The following ADGRE1 variants were observed in gnomAD, a reference collection of about 807,000 sequenced individuals.
ADGRE1 encodes the protein EGF-like module receptor 1.
In ADGRE1, 82 loss-of-function variants were observed where a neutral mutation model predicts 102.7. The ratio of observed to expected loss-of-function variants is 0.80; its 90% CI spans 0.67 to 0.96. The LOEUF (loss-of-function observed/expected upper bound fraction) is 0.96, where lower values mean the gene tolerates loss of function less well. Among genes scored for constraint, ADGRE1 ranks in the 40% least tolerant of loss-of-function variants. ADGRE1 has a pLI of 0.00. For synonymous variants in ADGRE1, 398 were observed against 399.6 expected (o/e 1.00, Z 0.05); for missense variants, 1,032 against 1,085.3 (o/e 0.95, Z 0.69).
intron 1 of ADGRE1, 139 bp downstream of exon 1, chr19:6,887,778 C>A: frequency 2.2e-6 from 2 of 904,788 alleles, no homozygotes; most frequent in South Asian, 1.8e-5. Flanking sequence ...ATTCAGGGAA[C>A]CTTTGACAAA....
At chr19:6,921,640 G>T in intron 13 of ADGRE1, 73 bp from the exon 14 acceptor site, 1 of 1,441,166 alleles carries the variant, frequency 6.9e-7, no homozygotes, top group Non-Finnish European at 9.2e-7. Flanking sequence ...GACTCTTGAG[G>T]ATGGTCACAT....
chr19:6,900,931 A>G (rs1739427384), intron 5 of ADGRE1, among the ~76,000 whole-genome samples: 1 of 152,232 alleles, frequency 6.6e-6, no homozygotes, highest in Non-Finnish European at 1.5e-5. Context: ...TATTCTAGCC[A>G]GATCTTTTGG....
intron 17 of ADGRE1, among the ~76,000 whole-genome samples, chr19:6,932,195 G>A (rs773553174): frequency 7.9e-5 from 12 of 152,246 alleles, no homozygotes; most frequent in East Asian, 1.9e-4. Flanking sequence ...TGGGCCGGGC[G>A]TGGTGGTTTA....
At chr19:6,889,893 T>A (rs964348418) in intron 1 of ADGRE1, among the ~76,000 whole-genome samples, 2 of 151,994 alleles carry the variant, frequency 1.3e-5, no homozygotes, top group African/African-American at 4.8e-5. Context: ...CTTTTGAGAA[T>A]GCATGCTTTA....
At chr19:6,920,611 C>T (rs1324713512) in intron 13 of ADGRE1, among the ~76,000 whole-genome samples, 1 of 147,934 alleles carries the variant, frequency 6.8e-6, no homozygotes, top group Non-Finnish European at 1.5e-5. Flanking sequence ...GCAACCCTCA[C>T]CTCCTCGGGT....
In ADGRE1 at chr19:6,937,668, C is replaced by G; in HGVS notation, c.2655+20C>G. ...AAGACGGTGAGAGACTGCATGCTCCCTGCAGGTGCTGGTCGAGGGAGGTGC... is the reference window on the plus strand; with the variant it reads ...AAGACGGTGAGAGACTGCATGCTCCGTGCAGGTGCTGGTCGAGGGAGGTGC... On this transcript the variant is annotated intron_variant, in intron 20 of 20. Coordinates refer to ENST00000312053, the MANE Select transcript of ADGRE1 (RefSeq NM_001974.5). The G allele has an allele frequency of 6.2e-7, 1 of 1,611,478 alleles. No homozygotes were observed. Among genetic ancestry groups the G allele is most frequent in the Non-Finnish European group, 8.5e-7 (1 of 1,177,900 alleles).
chr19:6,904,282 C>T (rs1282658962), intron 8 of ADGRE1, 100 bp downstream of exon 8: 2 of 1,416,220 alleles, frequency 1.4e-6, no homozygotes, highest in Non-Finnish European at 1.9e-6. Context: ...CTTAGTGTTG[C>T]CTCATCCACA....
At chr19:6,892,797 C>G (rs1973428511) in intron 2 of ADGRE1, among the ~76,000 whole-genome samples, 1 of 152,186 alleles carries the variant, frequency 6.6e-6, no homozygotes, top group Non-Finnish European at 1.5e-5. Context: ...GAATGACATT[C>G]CACAATTTGC....
At chr19:6,928,369 T>C (rs753298556) in intron 17 of ADGRE1, 158 bp downstream of exon 17, 3 of 1,487,528 alleles carry the variant, frequency 2.0e-6, no homozygotes, top group Non-Finnish European at 2.7e-6. Context: ...CTCACGCCTG[T>C]AATCCCAGCA....
intron 2 of ADGRE1, chr19:6,895,062 G>A (rs574372078): frequency 1.6e-4 from 24 of 152,334 alleles, no homozygotes; most frequent in East Asian, 3.9e-4. Context: ...ATGGAACAGC[G>A]TCGTGGAACA....
At chr19:6,928,481 G>C (rs1350088697) in intron 17 of ADGRE1, 1 of 647,380 alleles carries the variant, frequency 1.5e-6, no homozygotes, top group African/African-American at 1.9e-5. Context: ...CAAAAAATTA[G>C]CTGGGTGTGG....
chr19:6,895,054 G>A (rs1264015854), intron 2 of ADGRE1: 1 of 152,192 alleles, frequency 6.6e-6, no homozygotes, highest in African/African-American at 2.4e-5. Flanking sequence ...ACTTGAAGAT[G>A]GAACAGCGTC....
chr19:6,901,940 A>G lies in ADGRE1; in HGVS notation c.580A>G (p.Asn194Asp). ...EHATCNNTVG[N>D]YSCFCNPGFE... The stretch of plus-strand genomic sequence containing the variant: ...TGCAACTTGTAATAACACTGTTGGA[A>G]ACTACTCTTGTTTCTGCAACCCAGG... Residue 194 changes from asparagine to aspartate, a missense_variant, in exon 6 of 21, where the codon AAC becomes GAC. By Grantham distance (23) the Asn-to-Asp change is conservative (BLOSUM62 1). Transcript: ENST00000312053. 6.2e-7 allele frequency: 1 copy of G among 1,614,168 alleles called. No homozygotes were observed. Among genetic ancestry groups the G allele is most frequent in the Non-Finnish European group, 8.5e-7 (1 of 1,180,022 alleles).
At chr19:6,907,769 A>G (rs1307430497) in intron 9 of ADGRE1, among the ~76,000 whole-genome samples, 1 of 152,204 alleles carries the variant, frequency 6.6e-6, no homozygotes, top group Non-Finnish European at 1.5e-5. Flanking sequence ...AAATGGAATC[A>G]TGCAATGTTT....
At chr19:6,896,369 G>A (rs10406373) in intron 2 of ADGRE1, 29 bp from the exon 3 acceptor site, 92,210 of 1,609,272 alleles carry the variant, frequency 0.057, 3,600 homozygotes, top group African/African-American at 0.2. Flanking sequence ...CTCTAATCTT[G>A]TCTAAACTTT....
At chr19:6,922,297 G>A (rs773304103) in intron 14 of ADGRE1, among the ~76,000 whole-genome samples, 1 of 152,056 alleles carries the variant, frequency 6.6e-6, no homozygotes, top group Non-Finnish European at 1.5e-5. Context: ...ACATGCAAAT[G>A]GGTCAAGAAG....
intron 13 of ADGRE1, among the ~76,000 whole-genome samples, chr19:6,921,092 C>A (rs1462613318): frequency 6.6e-6 from 1 of 152,058 alleles, no homozygotes; most frequent in Non-Finnish European, 1.5e-5. Context: ...TCGAGACCAG[C>A]CTGGCCAATA....
chr19:6,937,175 TG>T, intron 18 of ADGRE1, 67 bp from the exon 19 acceptor site: 1 of 1,540,274 alleles, frequency 6.5e-7, no homozygotes, highest in Non-Finnish European at 8.8e-7. Flanking sequence ...AGACCATTCC[TG>T]GAAGTGTGGC....
At chr19:6,906,900 C>T (rs1233886073) in intron 9 of ADGRE1, among the ~76,000 whole-genome samples, 1 of 152,154 alleles carries the variant, frequency 6.6e-6, no homozygotes, top group African/African-American at 2.4e-5. Context: ...CATGGTCCCA[C>T]CTAGCTGCAA....
Sources: allele counts gnomAD v4.1 joint callset (sites outside exome capture counted in the v4.1 genomes callset), GRCh38; gene constraint gnomAD v4.1.1; transcripts MANE v1.5; gene names NCBI Gene and HGNC (gene_info 2026-07-23, HGNC 2026-07-21).